CFAP299: variants seen among roughly 807,000 people sequenced by gnomAD.
The protein encoded by CFAP299 is cilia- and flagella-associated protein 299.
A neutral mutation model predicts 27.0 loss-of-function variants in CFAP299; 21 were observed. That is an observed-to-expected ratio of 0.78 (90% CI 0.55 to 1.12). The LOEUF is 1.12. CFAP299 is among the 50% of genes most tolerant of loss of function. The probability of loss-of-function intolerance (pLI) is 0.00; values close to 1 mark genes in which losing one functional copy is unlikely to be tolerated. For synonymous variants in CFAP299, 104 were observed against 98.1 expected (o/e 1.06, Z -0.36); for missense variants, 310 against 276.6 (o/e 1.12, Z -0.86).
chr4:80,724,439 A>G (rs1374534069), intron 3 of CFAP299, among the ~76,000 whole-genome samples: 1 of 151,950 alleles, frequency 6.6e-6, no homozygotes, highest in African/African-American at 2.4e-5. Flanking sequence ...ATGATTACTC[A>G]TTTAAAAAAT....
At chr4:80,637,838 G>A (rs1739525350) in intron 3 of CFAP299, among the ~76,000 whole-genome samples, 1 of 152,138 alleles carries the variant, frequency 6.6e-6, no homozygotes, top group African/African-American at 2.4e-5. Flanking sequence ...TTGAGGTCAC[G>A]TTGCCTTGCT....
chr4:80,820,563 G>C (rs896280848), intron 3 of CFAP299, among the ~76,000 whole-genome samples: 1 of 152,096 alleles, frequency 6.6e-6, no homozygotes, highest in Non-Finnish European at 1.5e-5. Context: ...ACCCAAGGGT[G>C]GGGAGGGACG....
At chr4:80,452,003 T>G (rs6820209) in intron 2 of CFAP299, among the ~76,000 whole-genome samples, 14,557 of 152,210 alleles carry the variant, frequency 0.096, 805 homozygotes, top group Middle Eastern at 0.19. Flanking sequence ...TACTTGAGTT[T>G]GGAACAGTTG....
the CFAP299 span, among the ~76,000 whole-genome samples, chr4:80,329,266 C>T: frequency 7.8e-4 from 116 of 148,574 alleles, no homozygotes; most frequent in African/African-American, 2.7e-3. Flanking sequence ...ATTTTTCTCA[C>T]TTATTTACAC....
At chr4:80,820,572 C>A (rs537536971) in intron 3 of CFAP299, among the ~76,000 whole-genome samples, 28 of 151,900 alleles carry the variant, frequency 1.8e-4, no homozygotes, top group African/African-American at 6.8e-4. Context: ...TGGGGAGGGA[C>A]GGAGGAGCCA....
At chr4:80,938,857 G>A (rs761069111) in intron 4 of CFAP299, among the ~76,000 whole-genome samples, 1 of 152,036 alleles carries the variant, frequency 6.6e-6, no homozygotes, top group Non-Finnish European at 1.5e-5. Flanking sequence ...CTTGATTTTT[G>A]TTCACCAGAG....
chr4:80,558,766 G>C (rs1219252939), intron 2 of CFAP299, among the ~76,000 whole-genome samples: 1 of 151,630 alleles, frequency 6.6e-6, no homozygotes, highest in African/African-American at 2.4e-5. Context: ...TATCTAAAAA[G>C]GTATCTGCAG....
intron 2 of CFAP299, among the ~76,000 whole-genome samples, chr4:80,379,735 A>G (rs2110017826): frequency 6.6e-6 from 1 of 152,160 alleles, no homozygotes; most frequent in Non-Finnish European, 1.5e-5. Flanking sequence ...TTCTAGTTAA[A>G]TTCTATTATG....
intron 3 of CFAP299, among the ~76,000 whole-genome samples, chr4:80,792,154 TTAAAA>T (rs762153578): frequency 1.1e-4 from 17 of 151,978 alleles, no homozygotes; most frequent in Admixed American, 1.1e-3. Context: ...AAATAAAAAG[TTAAAA>T]TAAAATGTAA....
chr4:80,466,568 A>G (rs1729709507), intron 2 of CFAP299, among the ~76,000 whole-genome samples: 1 of 152,176 alleles, frequency 6.6e-6, no homozygotes, highest in Admixed American at 6.5e-5. Flanking sequence ...ACTGTTTACC[A>G]GCACTAAAAC....
In CFAP299 at chr4:80,712,390, G is replaced by A. The variant is rs1390801318; in HGVS notation, c.333+129207G>A. On this transcript the variant is annotated intron_variant, in intron 3 of 5. Coordinates refer to ENST00000358105, the MANE Select transcript of CFAP299 (RefSeq NM_152770.3). ...AAGTTTCAACAAAAACTTCAGATAA[G>A]TACTAATTTCAGAATCCAGGTTGTA... Among the ~76,000 whole-genome samples the A allele has an allele frequency of 2.6e-5, 4 of 152,274 alleles. No homozygotes were observed. In the East Asian group the frequency reaches 7.7e-4, roughly 29 times the overall value.
chr4:80,941,550 T>C (rs1282259436), intron 4 of CFAP299, among the ~76,000 whole-genome samples: 1 of 152,216 alleles, frequency 6.6e-6, no homozygotes, highest in Non-Finnish European at 1.5e-5. Context: ...GCTCAACTAT[T>C]TGTCCTTACA....
At chr4:80,512,773 T>C (rs1431438869) in intron 2 of CFAP299, among the ~76,000 whole-genome samples, 1 of 152,154 alleles carries the variant, frequency 6.6e-6, no homozygotes, top group Non-Finnish European at 1.5e-5. Context: ...AACAATGCTT[T>C]GTACTTCCCT....
chr4:80,373,833 T>C (rs1220746034), intron 2 of CFAP299, among the ~76,000 whole-genome samples: 3 of 152,214 alleles, frequency 2.0e-5, no homozygotes, highest in Non-Finnish European at 4.4e-5. Context: ...CTGGAATGCA[T>C]TGGAGAGCCA....
chr4:80,778,171 T>C (rs1460264792), intron 3 of CFAP299, among the ~76,000 whole-genome samples: 1 of 152,168 alleles, frequency 6.6e-6, no homozygotes, highest in Non-Finnish European at 1.5e-5. Context: ...CTCAGGATTT[T>C]TTTTAAAGTA....
At chr4:80,355,130 A>G (rs1723201568) in intron 1 of CFAP299, among the ~76,000 whole-genome samples, 2 of 151,790 alleles carry the variant, frequency 1.3e-5, no homozygotes, top group African/African-American at 2.4e-5. Flanking sequence ...ACTAATTTAC[A>G]CTCCCACCAA....
chr4:80,689,346 G>T lies in CFAP299; in HGVS notation c.333+106163G>T, dbSNP rs546305974. Among the ~76,000 whole-genome samples the T allele has an allele frequency of 4.2e-4, 64 of 152,110 alleles. 1 individual carries two copies. The highest frequency in any genetic ancestry group is 2.4e-5 in the African/African-American group (1 of 41,476). On this transcript the variant is annotated intron_variant, in intron 3 of 5. Coordinates refer to ENST00000358105, the MANE Select transcript of CFAP299 (RefSeq NM_152770.3). ...CCATCAGACTAACAGCGGATCTCTCGGCAGAAACTCTACAAGCCAGAACAG... is the reference window on the plus strand; with the variant it reads ...CCATCAGACTAACAGCGGATCTCTCTGCAGAAACTCTACAAGCCAGAACAG...
At chr4:80,568,229 A>AT (rs34309642) in intron 2 of CFAP299, among the ~76,000 whole-genome samples, 9,261 of 152,036 alleles carry the variant, frequency 0.061, 360 homozygotes, top group Middle Eastern at 0.16. Context: ...ATTGGTCTAC[A>AT]TTTTTTATAA....
chr4:80,738,229 T>C (rs1268359882), intron 3 of CFAP299, among the ~76,000 whole-genome samples: 1 of 152,174 alleles, frequency 6.6e-6, no homozygotes, highest in East Asian at 1.9e-4. Context: ...ATTCTGTAAA[T>C]ATCTAATAGG....
Sources: allele counts gnomAD v4.1 joint callset (sites outside exome capture counted in the v4.1 genomes callset), GRCh38; gene constraint gnomAD v4.1.1; transcripts MANE v1.5; gene names NCBI Gene and HGNC (gene_info 2026-07-23, HGNC 2026-07-21).